Variants in CCNE2 observed in about 807,000 individuals in gnomAD.
CCNE2 encodes the protein G1/S-specific cyclin-E2.
In CCNE2, 18 loss-of-function variants were observed where a neutral mutation model predicts 56.8. The observed-to-expected ratio is 0.32, with a 90% CI of 0.22 to 0.47. CCNE2 has a LOEUF of 0.47. CCNE2 is among the 20% of genes least tolerant of loss of function. The pLI, the probability that CCNE2 is intolerant of heterozygous loss-of-function variation, is 1.00. For synonymous variants in CCNE2, 139 were observed against 149.2 expected (o/e 0.93, Z 0.50); for missense variants, 371 against 467.1 (o/e 0.79, Z 1.90).
At chr8:94,884,089 A>G (rs1396379082) in intron 9 of CCNE2, among the ~76,000 whole-genome samples, 28 of 152,190 alleles carry the variant, frequency 1.8e-4, no homozygotes, top group Non-Finnish European at 1.5e-5. Flanking sequence ...AAAAAGTTTT[A>G]TAAAATAAAC....
upstream of CCNE2, chr8:94,895,790 A>T (rs1254636864): frequency 6.6e-6 from 1 of 152,312 alleles, no homozygotes; most frequent in African/African-American, 2.4e-5. Context: ...GTGGCTGCAG[A>T]ATGTAAACAC....
intron 5 of CCNE2, among the ~76,000 whole-genome samples, chr8:94,890,930 T>C (rs1402097908): frequency 1.3e-5 from 2 of 152,166 alleles, no homozygotes; most frequent in Admixed American, 6.5e-5. Flanking sequence ...CCATGTAATA[T>C]ACAAACTCTG....
intron 9 of CCNE2, among the ~76,000 whole-genome samples, chr8:94,883,488 C>A (rs1816912066): frequency 2.0e-5 from 3 of 152,170 alleles, no homozygotes; most frequent in Admixed American, 2.0e-4. Flanking sequence ...TTACTTGGAA[C>A]TCAGTTCACA....
rs1816812895 is a variant in CCNE2 at position 94,881,548 on chromosome 8, ACTT to A, written c.*81_*83del. ...GGCTAGGGCAATCAATCACAGCACT[ACTT>A]TCTGTAAAACTTTAGTAGTTCAGTG... On this transcript the variant is annotated 3_prime_UTR_variant, in exon 12 of 12. Transcript: ENST00000308108. 1.4e-6 allele frequency: 2 copies of A among 1,398,856 alleles called. No individual in the cohort carries two copies. Among genetic ancestry groups the A allele is most frequent in the East Asian group, 4.6e-5 (2 of 43,242 alleles). The allele number at this position is 1,398,856 out of a possible 1,614,324, so 86.7% of individuals were successfully genotyped here. A position where few individuals can be genotyped will look rare whatever the true frequency, so the allele number is the denominator to read the frequency against.
intron 10 of CCNE2, 115 bp from the exon 11 acceptor site, chr8:94,882,404 T>C: frequency 1.2e-6 from 1 of 818,380 alleles, no homozygotes; most frequent in Non-Finnish European, 1.8e-6. Context: ...AACCAAATCA[T>C]AACCAAGAAG....
intron 10 of CCNE2, 47 bp from the exon 11 acceptor site, chr8:94,882,336 G>C (rs1242919075): frequency 2.8e-6 from 4 of 1,450,528 alleles, no homozygotes; most frequent in Non-Finnish European, 3.7e-6. Context: ...TTGTACATCA[G>C]AAACTATCTT....
At position 94,892,871 on chromosome 8, in the gene CCNE2, T is replaced by C. The variant is rs1480704140; in HGVS notation, c.264A>G (p.Thr88=). ...EIGTSDFSRF[T]NYRFKNLFIN... is the part of the protein sequence containing the mutation. Reference sequence around the variant, plus strand: ...TAAAAAGATTTTTAAATCTGTAATTTGTAAATCTGGAGAAATCACTTGTTC... The same window carrying C: ...TAAAAAGATTTTTAAATCTGTAATTCGTAAATCTGGAGAAATCACTTGTTC... Residue 88 remains threonine, a synonymous_variant, in exon 5 of 12, where the codon ACA becomes ACG. Coordinates refer to ENST00000308108, the MANE Select transcript of CCNE2 (RefSeq NM_057749.3). The C allele has an allele frequency of 6.6e-7, 1 of 1,513,016 alleles. No individual in the cohort carries two copies. Among genetic ancestry groups the C allele is most frequent in the Non-Finnish European group, 8.9e-7 (1 of 1,125,062 alleles). The allele number at this position is 1,513,016 out of a possible 1,614,324, so 93.7% of individuals were successfully genotyped here.
chr8:94,886,853 GATT>G (rs572441020), intron 7 of CCNE2, among the ~76,000 whole-genome samples: 163 of 152,312 alleles, frequency 1.1e-3, no homozygotes, highest in Non-Finnish European at 2.2e-3. Flanking sequence ...ATCATCAAAG[GATT>G]AGGTGTCTCC....
chr8:94,893,042 A>G (rs1461492957), intron 4 of CCNE2, 73 bp from the exon 5 acceptor site: 1 of 1,161,998 alleles, frequency 8.6e-7, no homozygotes, highest in Non-Finnish European at 1.2e-6. Context: ...TCTTTCATAA[A>G]TGAAAGCTAA....
In CCNE2 at chr8:94,887,271, C is replaced by T. The variant is rs368968141; in HGVS notation, c.600+656G>A. On this transcript the variant is annotated intron_variant, in intron 7 of 11. Transcript: ENST00000308108. ...CTGTAGTCCCAGCACGCTGGGAGGCCGAGGTGGGTGGATCGCCTGAGTCAG... is the reference window on the plus strand; with the variant it reads ...CTGTAGTCCCAGCACGCTGGGAGGCTGAGGTGGGTGGATCGCCTGAGTCAG... 2.2e-3 allele frequency among the ~76,000 whole-genome samples: 339 copies of T among 152,180 alleles called. 4 individuals are homozygous for T. In the South Asian group the frequency reaches 0.035, roughly 16 times the overall value.
intron 5 of CCNE2, among the ~76,000 whole-genome samples, chr8:94,890,790 C>T (rs565765223): frequency 6.6e-6 from 1 of 151,938 alleles, no homozygotes; most frequent in East Asian, 1.9e-4. Flanking sequence ...GATGGGGTTT[C>T]ACCATGTTGG....
At chr8:94,883,628 T>A in intron 9 of CCNE2, 1 of 244,578 alleles carries the variant, frequency 4.1e-6, no homozygotes, top group East Asian at 8.5e-5. Flanking sequence ...AGTCAGAATT[T>A]TATAGGCTGA....
intron 5 of CCNE2, among the ~76,000 whole-genome samples, chr8:94,892,381 CCT>C (rs1396187533): frequency 1.3e-5 from 2 of 152,122 alleles, no homozygotes. Flanking sequence ...ATAAGCTGTA[CCT>C]CTTAGTTACA....
At position 94,885,297 on chromosome 8, in the gene CCNE2, AC is replaced by A. The variant is rs1394566790; in HGVS notation, c.697-97del. ...AGAGGTTAAGTACATTCCCCATCCA[AC>A]CATAACCATTGTCAATATTTTGATG... On this transcript the variant is annotated intron_variant, in intron 8 of 11. Coordinates refer to ENST00000308108, the MANE Select transcript of CCNE2 (RefSeq NM_057749.3). The A allele has an allele frequency of 2.4e-6, 3 of 1,228,206 alleles. No individual in the cohort carries two copies. The African/African-American group carries it at 4.5e-5, about 18-fold the overall frequency. The allele number at this position is 1,228,206 out of a possible 1,614,324, so 76.1% of individuals were successfully genotyped here. A position where few individuals can be genotyped will look rare whatever the true frequency, so the allele number is the denominator to read the frequency against.
chr8:94,895,414 C>T (rs1817465269), upstream of CCNE2, among the ~76,000 whole-genome samples: 1 of 152,174 alleles, frequency 6.6e-6, no homozygotes, highest in South Asian at 2.1e-4. Flanking sequence ...CACCGCGCTC[C>T]ACGGCGCGGC....
intron 1 of CCNE2, chr8:94,894,636 T>C: frequency 5.4e-6 from 1 of 183,690 alleles, no homozygotes; most frequent in Non-Finnish European, 1.1e-5. Flanking sequence ...GAGGGGGTTG[T>C]GGAGGCGAAA....
At chr8:94,890,266 T>G in intron 6 of CCNE2, 149 bp downstream of exon 6, 2 of 553,900 alleles carry the variant, frequency 3.6e-6, no homozygotes, top group Non-Finnish European at 6.0e-6. Flanking sequence ...CTTTCCACTT[T>G]GGGTGCAATC....
intron 1 of CCNE2, chr8:94,894,514 G>C (rs1817387266): frequency 2.3e-6 from 1 of 437,144 alleles, no homozygotes; most frequent in African/African-American, 2.0e-5. Flanking sequence ...GCGCAGGGAG[G>C]CACATCTTCC....
At chr8:94,888,769 G>A (rs988373771) in intron 6 of CCNE2, among the ~76,000 whole-genome samples, 1 of 152,148 alleles carries the variant, frequency 6.6e-6, no homozygotes, top group African/African-American at 2.4e-5. Context: ...CAACTGATCT[G>A]CCTGCCTCAG....
Sources: allele counts gnomAD v4.1 joint callset (sites outside exome capture counted in the v4.1 genomes callset), GRCh38; gene constraint gnomAD v4.1.1; transcripts MANE v1.5; gene names NCBI Gene and HGNC (gene_info 2026-07-23, HGNC 2026-07-21).